Variants in TWSG1 observed in about 807,000 individuals in gnomAD.
The protein encoded by TWSG1 is twisted gastrulation protein homolog 1.
TWSG1 carries 15 observed loss-of-function variants against 23.0 expected under a neutral mutation model. The observed-to-expected ratio is 0.65, with a 90% CI of 0.44 to 1.00. The LOEUF (loss-of-function observed/expected upper bound fraction) is 1.00, where lower values mean the gene tolerates loss of function less well. Among genes scored for constraint, TWSG1 ranks in the 50% least tolerant of loss-of-function variants. TWSG1 has a pLI of 0.00. For synonymous variants in TWSG1, 86 were observed against 92.8 expected, an observed-to-expected ratio of 0.93 and a Z score of 0.42; for missense variants, 242 against 278.7, an observed-to-expected ratio of 0.87 and a Z score of 0.94.
chr18:9,341,005 C>T (rs1274108757), intron 2 of TWSG1, among the ~76,000 whole-genome samples: 1 of 152,148 alleles, frequency 6.6e-6, no homozygotes, highest in African/African-American at 2.4e-5. Context: ...CCTGACTTCT[C>T]CTCCCCTTCC....
intron 3 of TWSG1, among the ~76,000 whole-genome samples, chr18:9,374,995 A>G (rs934823851): frequency 6.6e-6 from 1 of 152,010 alleles, no homozygotes. Flanking sequence ...GTGAAACCCC[A>G]TCTCTGCTAA....
At chr18:9,365,258 G>T (rs147743332) in intron 3 of TWSG1, among the ~76,000 whole-genome samples, 22 of 152,292 alleles carry the variant, frequency 1.4e-4, no homozygotes, top group African/African-American at 4.8e-4. Context: ...GGAGGTCAAG[G>T]CTGCAGTGAG....
In TWSG1 at chr18:9,401,647, G is replaced by A. The variant is rs916335293; in HGVS notation, c.*2120G>A. On this transcript the variant is annotated 3_prime_UTR_variant, in exon 5 of 5. Transcript: ENST00000262120. Reference sequence around the variant, plus strand: ...TGGCTTATTTTTTCTGATTTATGAGGGTTTGAAAGAAAGAATTCACCTAAA... The same window carrying A: ...TGGCTTATTTTTTCTGATTTATGAGAGTTTGAAAGAAAGAATTCACCTAAA... The A allele has an allele frequency of 5.3e-5, 8 of 151,694 alleles. No homozygotes were observed. Among genetic ancestry groups the A allele is most frequent in the Admixed American group, 3.9e-4 (6 of 15,220 alleles). 9.4% of individuals were successfully genotyped at this position (151,694 alleles called of 1,614,324 possible). A position where few individuals can be genotyped will look rare whatever the true frequency, so the allele number is the denominator to read the frequency against.
At chr18:9,342,744 GT>G (rs1242363124) in intron 2 of TWSG1, among the ~76,000 whole-genome samples, 2 of 152,080 alleles carry the variant, frequency 1.3e-5, no homozygotes, top group Non-Finnish European at 2.9e-5. Context: ...TGGTTCCAGT[GT>G]TTCTTGGATT....
At chr18:9,364,248 C>T (rs575714559) in intron 3 of TWSG1, among the ~76,000 whole-genome samples, 7 of 152,236 alleles carry the variant, frequency 4.6e-5, no homozygotes, top group Middle Eastern at 3.4e-3. Context: ...TTTTCTATTT[C>T]CTATAGGCTG....
chr18:9,378,921 G>C (rs1159539720), intron 3 of TWSG1, among the ~76,000 whole-genome samples: 3 of 151,674 alleles, frequency 2.0e-5, no homozygotes, highest in African/African-American at 7.3e-5. Flanking sequence ...ATGAGAAAAT[G>C]CTCAATATCA....
At chr18:9,352,443 C>T (rs781247631) in intron 2 of TWSG1, among the ~76,000 whole-genome samples, 11 of 152,054 alleles carry the variant, frequency 7.2e-5, no homozygotes, top group Non-Finnish European at 1.3e-4. Flanking sequence ...GAGTAAATAC[C>T]TAGGAATGGG....
chr18:9,377,302 T>C (rs1217850169), intron 3 of TWSG1, among the ~76,000 whole-genome samples: 1 of 151,714 alleles, frequency 6.6e-6, no homozygotes, highest in African/African-American at 2.4e-5. Context: ...CACTGCAACC[T>C]CCGCCTCCCG....
chr18:9,377,602 C>G (rs1239603078), intron 3 of TWSG1, among the ~76,000 whole-genome samples: 2 of 152,162 alleles, frequency 1.3e-5, no homozygotes, highest in Non-Finnish European at 1.5e-5. Context: ...ACCTGTTTCA[C>G]AAAAATTAAC....
chr18:9,375,325 G>A (rs934938526), intron 3 of TWSG1, among the ~76,000 whole-genome samples: 1 of 152,092 alleles, frequency 6.6e-6, no homozygotes, highest in African/African-American at 2.4e-5. Context: ...ACTAGGACTA[G>A]AGGGAAACTT....
intron 3 of TWSG1, among the ~76,000 whole-genome samples, chr18:9,383,816 GAA>G (rs2040670235): frequency 6.6e-6 from 1 of 151,944 alleles, no homozygotes; most frequent in Admixed American, 6.6e-5. Context: ...AGTGTTGAGT[GAA>G]TCTTTGATGT....
chr18:9,347,459 C>A (rs992670154), intron 2 of TWSG1, among the ~76,000 whole-genome samples: 11 of 152,114 alleles, frequency 7.2e-5, no homozygotes, highest in Admixed American at 7.2e-4. Flanking sequence ...AGTATTATGT[C>A]TTTGTTTCAT....
chr18:9,386,037 C>T (rs137940826), intron 3 of TWSG1, among the ~76,000 whole-genome samples: 11,410 of 151,598 alleles, frequency 0.075, 515 homozygotes, highest in Admixed American at 0.097. Flanking sequence ...GGCGTGGTGG[C>T]GCATGCCTGT....
intron 4 of TWSG1, among the ~76,000 whole-genome samples, chr18:9,399,015 A>G (rs1425641197): frequency 6.6e-6 from 1 of 152,112 alleles, no homozygotes; most frequent in Non-Finnish European, 1.5e-5. Flanking sequence ...CTCAAAAAAA[A>G]AAAGGAAATG....
rs1163505438 is a variant in TWSG1 at position 9,383,187 on chromosome 18, TTTTTTTG to T, written c.224-13086_224-13080del. ...GTGGTGATATCCGAATTACACGTTT[TTTTTTTG>T]TTTTTTTTTTTTTTTTTTGAGATGG... On this transcript the variant is annotated intron_variant, in intron 3 of 4. Transcript: ENST00000262120. Among the ~76,000 whole-genome samples, 14 of 59,522 alleles carry T rather than the reference TTTTTTTG, an allele frequency of 2.4e-4. 1 individual carries two copies. The highest frequency in any genetic ancestry group is 1.0e-3 in the African/African-American group (14 of 13,610). 39.0% of individuals were successfully genotyped at this position (59,522 alleles called of 152,430 possible).
intron 3 of TWSG1, among the ~76,000 whole-genome samples, chr18:9,375,118 G>T (rs1477298931): frequency 7.6e-6 from 1 of 131,310 alleles, no homozygotes; most frequent in African/African-American, 2.9e-5. Context: ...GGTGAGCCAA[G>T]ATTGTGCCAC....
chr18:9,361,571 G>T, intron 3 of TWSG1, among the ~76,000 whole-genome samples: 1 of 152,208 alleles, frequency 6.6e-6, no homozygotes, highest in East Asian at 1.9e-4. Flanking sequence ...TCCCTTTAGG[G>T]TTGCACATTT....
intron 3 of TWSG1, among the ~76,000 whole-genome samples, chr18:9,366,592 G>A (rs917825980): frequency 5.9e-5 from 9 of 152,134 alleles, no homozygotes; most frequent in Non-Finnish European, 1.2e-4. Context: ...CAGGTTTTTC[G>A]TTATGACTCT....
At chr18:9,339,144 G>T (rs1025329167) in intron 2 of TWSG1, among the ~76,000 whole-genome samples, 7 of 151,938 alleles carry the variant, frequency 4.6e-5, no homozygotes, top group East Asian at 3.9e-4. Context: ...GGTTGAGGCT[G>T]CAGTGAGCTA....
Sources: allele counts gnomAD v4.1 joint callset (sites outside exome capture counted in the v4.1 genomes callset), GRCh38; gene constraint gnomAD v4.1.1; transcripts MANE v1.5; gene names NCBI Gene and HGNC (gene_info 2026-07-23, HGNC 2026-07-21).